The following PIK3C2B variants were observed in gnomAD, a reference collection of about 807,000 sequenced individuals.
PIK3C2B encodes phosphatidylinositol 4-phosphate 3-kinase C2 domain-containing subunit beta.
A neutral mutation model predicts 184.3 loss-of-function variants in PIK3C2B; 83 were observed. That is an observed-to-expected ratio of 0.45 (90% CI 0.38 to 0.54). PIK3C2B has a LOEUF of 0.54. PIK3C2B is among the 20% of genes least tolerant of loss of function. The pLI is 0.00. For synonymous variants in PIK3C2B, 779 were observed against 837.6 expected, an observed-to-expected ratio of 0.93 and a Z score of 1.21; for missense variants, 1,736 against 2,113.5, an observed-to-expected ratio of 0.82 and a Z score of 3.50.
chr1:204,459,934 G>C lies in PIK3C2B; in HGVS notation c.1510C>G (p.Leu504Val). Residue 504 changes from leucine (L) to valine (V), a missense_variant, in exon 8 of 33, where the codon CTG becomes GTG. Physicochemically the swap from Leu to Val is conservative, Grantham distance 32. Coordinates refer to ENST00000684373, the MANE Select transcript of PIK3C2B (RefSeq NM_001377334.1). ...TGGTAAGTGTCGAACAGAAGACTCA[G>C]GGCCTGCCTGGGAGTTGGGGGCAGG... Reference protein sequence around the residue: ...PVKQTISRQALSLLFDTYHNE... With the variant: ...PVKQTISRQAVSLLFDTYHNE... The C allele has an allele frequency of 6.2e-7, 1 of 1,613,862 alleles. No homozygotes were observed. The highest frequency in any genetic ancestry group is 8.5e-7 in the Non-Finnish European group (1 of 1,179,918).
chr1:204,464,641 AG>A, intron 3 of PIK3C2B, 37 bp from the exon 4 acceptor site: 1 of 1,596,008 alleles, frequency 6.3e-7, no homozygotes, highest in South Asian at 1.1e-5. Context: ...CTGTGCCTTT[AG>A]AAGAGAGTAG....
chr1:204,457,791 C>G lies in PIK3C2B; in HGVS notation c.1650G>C (p.Glu550Asp). The change falls in exon 9 of 33, where the codon GAG (glutamate) becomes GAC (aspartate). Residue 550 changes from glutamate to aspartate, a missense_variant. Transcript: ENST00000684373. The part of the protein sequence containing the change: ...CNALAAVETP[E>D]ITSALNQLPP... ...GCAGCTGGTTGAGAGCACTGGTGATCTCAGGGGTTTCCACGGCGGCCAGGG... is the reference window on the plus strand; with the variant it reads ...GCAGCTGGTTGAGAGCACTGGTGATGTCAGGGGTTTCCACGGCGGCCAGGG... 2 of 1,613,420 alleles carry G rather than the reference C, an allele frequency of 1.2e-6. No individual in the cohort carries two copies. The highest frequency in any genetic ancestry group is 1.7e-6 in the Non-Finnish European group (2 of 1,179,686).
intron 1 of PIK3C2B, among the ~76,000 whole-genome samples, chr1:204,475,602 A>T (rs113965677): frequency 6.6e-6 from 1 of 152,168 alleles, no homozygotes; most frequent in Non-Finnish European, 1.5e-5. Context: ...GGCATCTGTA[A>T]GGCAGGGGCA....
intron 30 of PIK3C2B, 116 bp downstream of exon 30, chr1:204,428,023 A>G: frequency 1.5e-6 from 1 of 675,124 alleles, no homozygotes; most frequent in Non-Finnish European, 2.6e-6. Context: ...AGAGAGTAAG[A>G]AAAGGAACAG....
At chr1:204,441,655 C>T (rs1000787734) in intron 20 of PIK3C2B, 92 bp from the exon 21 acceptor site, 3 of 721,834 alleles carry the variant, frequency 4.2e-6, no homozygotes, top group East Asian at 2.7e-5. Context: ...ATGCTGCCTC[C>T]CCGCTGCTGC....
chr1:204,465,174 T>G, intron 3 of PIK3C2B, 45 bp downstream of exon 3: 2 of 610,558 alleles, frequency 3.3e-6, no homozygotes, highest in Non-Finnish European at 6.3e-6. Flanking sequence ...CCCCTCCCCA[T>G]CCCCCATAGC....
intron 13 of PIK3C2B, among the ~76,000 whole-genome samples, chr1:204,449,547 G>A (rs1654172723): frequency 6.6e-6 from 1 of 152,202 alleles, no homozygotes; most frequent in Non-Finnish European, 1.5e-5. Flanking sequence ...ATGAGGTGGG[G>A]AGGCTGGGCT....
At chr1:204,488,934 C>G (rs1657818335) in intron 1 of PIK3C2B, among the ~76,000 whole-genome samples, 1 of 152,014 alleles carries the variant, frequency 6.6e-6, no homozygotes, top group Non-Finnish European at 1.5e-5. Flanking sequence ...AGACTTAAAC[C>G]CTTGTGATCC....
chr1:204,484,603 G>A (rs527842505), intron 1 of PIK3C2B, among the ~76,000 whole-genome samples: 15 of 152,228 alleles, frequency 9.9e-5, no homozygotes, highest in Non-Finnish European at 1.8e-4. Context: ...GCATGGTGGC[G>A]CATGTCTGTG....
In PIK3C2B at chr1:204,457,812, C is replaced by T. The variant is rs753200461; in HGVS notation, c.1629G>A (p.Leu543=). The T allele has an allele frequency of 4.5e-5, 73 of 1,612,898 alleles. No homozygotes were observed. The South Asian group carries it at 7.3e-4, about 16-fold the overall frequency. The change falls in exon 9 of 33, where the codon CTG becomes CTA. Residue 543 remains leucine (L), a synonymous_variant. Coordinates refer to ENST00000684373, the MANE Select transcript of PIK3C2B (RefSeq NM_001377334.1). ...VQSVKAICNA[L]AAVETPEITS... ...TGATCTCAGGGGTTTCCACGGCGGC[C>T]AGGGCGTTGCAGATGGCCTTGACGG...
chr1:204,486,214 G>C (rs758132562), intron 1 of PIK3C2B, among the ~76,000 whole-genome samples: 6 of 151,884 alleles, frequency 4.0e-5, no homozygotes, highest in African/African-American at 1.5e-4. Context: ...TGGCTAACAT[G>C]GTGAAACCCT....
At chr1:204,474,480 C>G (rs968572942) in intron 1 of PIK3C2B, among the ~76,000 whole-genome samples, 18 of 152,210 alleles carry the variant, frequency 1.2e-4, no homozygotes, top group Non-Finnish European at 2.1e-4. Flanking sequence ...TTTCCGTAGC[C>G]ATTTCCACCT....
At chr1:204,478,893 T>C (rs765945280) in intron 1 of PIK3C2B, among the ~76,000 whole-genome samples, 1 of 152,216 alleles carries the variant, frequency 6.6e-6, no homozygotes, top group African/African-American at 2.4e-5. Flanking sequence ...CAGGTCTGCA[T>C]GCACTGCTGA....
chr1:204,466,974 G>C (rs748689854), intron 2 of PIK3C2B: 9 of 522,770 alleles, frequency 1.7e-5, no homozygotes, highest in Non-Finnish European at 3.5e-5. Flanking sequence ...GGGCCCAAGG[G>C]GTCCCCCCTC....
intron 5 of PIK3C2B, among the ~76,000 whole-genome samples, chr1:204,462,749 T>C (rs1320016622): frequency 1.3e-5 from 2 of 152,170 alleles, no homozygotes; most frequent in Non-Finnish European, 2.9e-5. Flanking sequence ...CACAATATCC[T>C]TAAATTTGAA....
chr1:204,446,226 C>T (rs1017739108), intron 15 of PIK3C2B, 82 bp from the exon 16 acceptor site: 1 of 979,390 alleles, frequency 1.0e-6, no homozygotes, highest in Non-Finnish European at 1.5e-6. Context: ...GGGTGCAGCC[C>T]TTACCCTCAA....
At chr1:204,460,303 C>CA in intron 7 of PIK3C2B, 21 bp downstream of exon 7, 4 of 1,592,530 alleles carry the variant, frequency 2.5e-6, no homozygotes, top group Non-Finnish European at 3.4e-6. Context: ...GGAGCACATC[C>CA]AAGATGGTGC....
At chr1:204,482,860 T>G (rs906592678) in intron 1 of PIK3C2B, among the ~76,000 whole-genome samples, 2 of 151,880 alleles carry the variant, frequency 1.3e-5, no homozygotes, top group Admixed American at 6.6e-5. Context: ...ATGGGGGGAA[T>G]GGGAAGAAGG....
chr1:204,484,854 TAAAC>T (rs892895821), intron 1 of PIK3C2B, among the ~76,000 whole-genome samples: 10 of 151,644 alleles, frequency 6.6e-5, no homozygotes, highest in African/African-American at 1.9e-4. Context: ...AACATAAAAA[TAAAC>T]AAACAAGCAA....
Sources: gnomAD v4.1 joint callset for allele counts (sites outside exome capture counted in the v4.1 genomes callset) on GRCh38, gnomAD v4.1.1 for gene constraint, MANE v1.5 for transcripts, NCBI Gene and HGNC (gene_info 2026-07-23, HGNC 2026-07-21) for gene names.